The following C12orf50 variants were observed in gnomAD, a reference collection of about 807,000 sequenced individuals.
C12orf50 encodes the protein uncharacterized protein C12orf50.
C12orf50 carries 35 observed loss-of-function variants against 61.6 expected under a neutral mutation model. The observed-to-expected ratio is 0.57, with a 90% CI of 0.43 to 0.75. The LOEUF is 0.75. Among genes scored for constraint, C12orf50 ranks in the 30% least tolerant of loss-of-function variants. The pLI, the probability that C12orf50 is intolerant of heterozygous loss-of-function variation, is 0.00. For missense variants in C12orf50, 475 were observed against 488.5 expected (o/e 0.97, Z 0.26); for synonymous variants, 178 against 161.5 (o/e 1.10, Z -0.77).
In C12orf50 at chr12:87,996,638, T is replaced by A. The variant is rs767192372; in HGVS notation, c.298A>T (p.Ser100Cys). ...TCTTCAGGGGTCTTTGTCCATAAACTAGAAGCATCTATAGGATATAGATTT... is the reference window on the plus strand; with the variant it reads ...TCTTCAGGGGTCTTTGTCCATAAACAAGAAGCATCTATAGGATATAGATTT... ...EEVDEQNDAS[S>C]LWTKTPEEIE... Residue 100 changes from serine to cysteine, a missense_variant, in exon 5 of 13, where the codon AGT becomes TGT. Physicochemically the swap from Ser to Cys is moderately radical, Grantham distance 112. Coordinates refer to ENST00000298699, the MANE Select transcript of C12orf50 (RefSeq NM_152589.3). 5 of 1,601,878 alleles carry A rather than the reference T, an allele frequency of 3.1e-6. No individual in the cohort carries two copies. The African/African-American group carries it at 6.7e-5, about 21-fold the overall frequency.
chr12:87,985,876 C>G lies in C12orf50; in HGVS notation c.1100G>C (p.Arg367Thr). The G allele has an allele frequency of 6.2e-7, 1 of 1,613,178 alleles. No individual in the cohort carries two copies. The highest frequency in any genetic ancestry group is 2.2e-5 in the East Asian group (1 of 44,874). ...TGGACTGAGGTTGGGTTTGGGTTCC[C>G]TGTTAGCATGGACTTTATTGTAGGA... ...HGSYNKVHAN[R>T]EPKPNLSPDK... The change falls in exon 11 of 13, where the codon AGG becomes ACG. Residue 367 changes from arginine (R) to threonine (T), a missense_variant. Transcript: ENST00000298699.
intron 2 of C12orf50, 88 bp from the exon 3 acceptor site, chr12:88,026,696 A>G: frequency 6.7e-7 from 1 of 1,490,704 alleles, no homozygotes; most frequent in South Asian, 1.3e-5. Context: ...ACAAGGACAC[A>G]AAAACAATTA....
chr12:87,989,839 T>C (rs530507265), intron 7 of C12orf50, among the ~76,000 whole-genome samples: 1 of 152,292 alleles, frequency 6.6e-6, no homozygotes, highest in African/African-American at 2.4e-5. Context: ...CATATTTGTT[T>C]CAAATAACCT....
At chr12:87,984,502 T>C (rs1044627284) in intron 11 of C12orf50, 2 of 152,206 alleles carry the variant, frequency 1.3e-5, no homozygotes, top group Admixed American at 6.5e-5. Context: ...CCAAGTCCCA[T>C]GTCCTTCCAT....
At chr12:88,018,790 C>T (rs541487476) in intron 3 of C12orf50, among the ~76,000 whole-genome samples, 18 of 152,336 alleles carry the variant, frequency 1.2e-4, no homozygotes, top group African/African-American at 1.4e-4. Flanking sequence ...GATTTGTCTG[C>T]CCTGCTGGAT....
chr12:87,998,215 G>A, intron 3 of C12orf50, 25 bp from the exon 4 acceptor site: 1 of 1,595,890 alleles, frequency 6.3e-7, no homozygotes, highest in Non-Finnish European at 8.6e-7. Context: ...CAACATTTCA[G>A]TCTGTTCAAG....
chr12:88,020,312 A>G (rs2032467712), intron 3 of C12orf50, among the ~76,000 whole-genome samples: 1 of 152,180 alleles, frequency 6.6e-6, no homozygotes, highest in Non-Finnish European at 1.5e-5. Flanking sequence ...ATATTATACA[A>G]TGATACCCAT....
intron 3 of C12orf50, among the ~76,000 whole-genome samples, chr12:88,011,198 G>C (rs2032096331): frequency 6.6e-6 from 1 of 151,666 alleles, no homozygotes; most frequent in Admixed American, 6.6e-5. Context: ...CTTAGGTAAA[G>C]TGTATCAGAG....
chr12:87,999,862 T>C (rs970410148), intron 3 of C12orf50, among the ~76,000 whole-genome samples: 2 of 152,114 alleles, frequency 1.3e-5, no homozygotes, highest in Non-Finnish European at 2.9e-5. Context: ...AGTAATAAAG[T>C]ACTGTTGCAT....
chr12:88,017,111 C>T (rs534515096), intron 3 of C12orf50, among the ~76,000 whole-genome samples: 15 of 152,244 alleles, frequency 9.9e-5, no homozygotes, highest in Non-Finnish European at 1.8e-4. Context: ...AGCAAGCAAG[C>T]ATACGGGTGT....
chr12:88,019,682 A>G (rs1460102874), intron 3 of C12orf50, among the ~76,000 whole-genome samples: 1 of 152,200 alleles, frequency 6.6e-6, no homozygotes, highest in East Asian at 1.9e-4. Flanking sequence ...TGGGGAAAAG[A>G]GGAAGAACAA....
intron 3 of C12orf50, among the ~76,000 whole-genome samples, chr12:88,001,754 A>G (rs749044439): frequency 1.3e-5 from 2 of 151,460 alleles, no homozygotes; most frequent in Non-Finnish European, 3.0e-5. Context: ...TCTATTTTAT[A>G]TAAGTTATCT....
chr12:88,019,085 G>C (rs1281267151), intron 3 of C12orf50, among the ~76,000 whole-genome samples: 5 of 152,022 alleles, frequency 3.3e-5, no homozygotes, highest in African/African-American at 1.2e-4. Context: ...GGCCAGGGAT[G>C]GAATGATATG....
intron 3 of C12orf50, among the ~76,000 whole-genome samples, chr12:88,004,601 A>C (rs1225522140): frequency 6.6e-6 from 1 of 152,230 alleles, no homozygotes; most frequent in African/African-American, 2.4e-5. Context: ...TCACAGCACT[A>C]TTCACAATAG....
At chr12:88,026,350 G>C (rs2032706523) in intron 3 of C12orf50, 138 bp downstream of exon 3, 1 of 938,018 alleles carries the variant, frequency 1.1e-6, no homozygotes, top group Non-Finnish European at 1.5e-6. Flanking sequence ...GTCTCATGTA[G>C]AATCATTCCA....
Position 87,998,130 on chromosome 12 carries a change from G to A in C12orf50, c.194C>T (p.Pro65Leu). The A allele has an allele frequency of 1.9e-6, 3 of 1,612,750 alleles. No individual in the cohort carries two copies. The highest frequency in any genetic ancestry group is 2.5e-6 in the Non-Finnish European group (3 of 1,179,122). The change falls in exon 4 of 13, where the codon CCT (proline) becomes CTT (leucine). Residue 65 changes from proline to leucine, a missense_variant. Transcript: ENST00000298699. ...TGATATATTTTCCTGAGGTTTCAGA[G>A]GTTCTTGACTCTGGGACTGGAGTGG... ...GIPLQSQSQE[P>L]LKPQENISRP...
intron 11 of C12orf50, chr12:87,984,012 T>G (rs2030667285): frequency 6.8e-6 from 1 of 146,954 alleles, no homozygotes; most frequent in Admixed American, 7.0e-5. Flanking sequence ...ACCAACAGTG[T>G]AAAAGTGTTC....
At position 87,989,152 on chromosome 12, in the gene C12orf50, G is replaced by A. The variant is rs1565741402; in HGVS notation, c.700+112C>T. 5 of 710,532 alleles carry A rather than the reference G, an allele frequency of 7.0e-6. No individual in the cohort carries two copies. In the East Asian group the frequency reaches 1.1e-4, roughly 16 times the overall value. The allele number at this position is 710,532 out of a possible 1,614,324, so 44.0% of individuals were successfully genotyped here. A position where few individuals can be genotyped will look rare whatever the true frequency, so the allele number is the denominator to read the frequency against. ...CCTTAGAGCTCTTGACTCCTATTCA[G>A]TGTATATTTTGATTTATTACCATTC... On this transcript the variant is annotated intron_variant, in intron 8 of 12. Transcript: ENST00000298699.
At position 87,980,221 on chromosome 12, in the gene C12orf50, A is replaced by G; in HGVS notation, c.*110T>C. 3.7e-6 allele frequency: 4 copies of G among 1,071,102 alleles called. No homozygotes were observed. Among genetic ancestry groups the G allele is most frequent in the Non-Finnish European group, 5.7e-6 (4 of 707,002 alleles). 66.3% of individuals were successfully genotyped at this position (1,071,102 alleles called of 1,614,324 possible). A position where few individuals can be genotyped will look rare whatever the true frequency, so the allele number is the denominator to read the frequency against. On this transcript the variant is annotated 3_prime_UTR_variant, in exon 13 of 13. Transcript: ENST00000298699. ...TTTTTATCATCTTTGGCTATCCACT[A>G]CATAACATGGAGTACTTGAGTATCT...
Sources: allele counts gnomAD v4.1 joint callset (sites outside exome capture counted in the v4.1 genomes callset), GRCh38; gene constraint gnomAD v4.1.1; transcripts MANE v1.5; gene names NCBI Gene and HGNC (gene_info 2026-07-23, HGNC 2026-07-21).